SLC44A5: variants seen among roughly 807,000 people sequenced by gnomAD.
SLC44A5 encodes the protein solute carrier family 44 member 5.
Under a neutral mutation model 101.8 loss-of-function variants are expected in SLC44A5, and 57 were observed. The observed-to-expected ratio is 0.56, with a 90% CI of 0.45 to 0.70. The LOEUF (loss-of-function observed/expected upper bound fraction) is 0.70, where lower values mean the gene tolerates loss of function less well. Ranked by LOEUF, SLC44A5 falls within the 30% of genes least tolerant of loss-of-function variation. The pLI is 0.00. For missense variants in SLC44A5, 737 were observed against 853.1 expected, an observed-to-expected ratio of 0.86 and a Z score of 1.70; for synonymous variants, 281 against 290.9, an observed-to-expected ratio of 0.97 and a Z score of 0.35.
rs181464370 is a variant in SLC44A5 at position 75,519,507 on chromosome 1, A to G, written c.13+21928T>C. Among the ~76,000 whole-genome samples, 852 of 152,230 alleles carry G rather than the reference A, an allele frequency of 5.6e-3. 3 individuals carry two copies. The highest frequency in any genetic ancestry group is 0.02 in the African/African-American group (816 of 41,530). ...CGGGAAGCAGAGGTTGCAGTGAGCCAAGATCACACCCCTGCACTCCAGCCT... is the reference window on the plus strand; with the variant it reads ...CGGGAAGCAGAGGTTGCAGTGAGCCGAGATCACACCCCTGCACTCCAGCCT... On this transcript the variant is annotated intron_variant, in intron 2 of 23. Coordinates refer to ENST00000370859, the MANE Select transcript of SLC44A5 (RefSeq NM_001130058.2).
chr1:75,715,543 G>A, the SLC44A5 span, among the ~76,000 whole-genome samples: 23 of 152,256 alleles, frequency 1.5e-4, no homozygotes, highest in Middle Eastern at 3.4e-3. Context: ...CAAGCGATGC[G>A]GATAAGACTC....
chr1:75,222,374 T>G lies in SLC44A5; in HGVS notation c.1072A>C (p.Lys358Gln). 1 of 1,613,394 alleles carries G rather than the reference T, an allele frequency of 6.2e-7. No individual in the cohort carries two copies. The highest frequency in any genetic ancestry group is 8.5e-7 in the Non-Finnish European group (1 of 1,179,514). ...TAAGGGCCTTACTTGCTTCCTTCCT[T>G]CAGCAGGATAATGGCGACTCGGATT... ...NRIRVAIILL[K>Q]EGSKAIGYVP... Residue 358 changes from lysine to glutamine, a missense_variant, in exon 14 of 24, where the codon AAG becomes CAG. Physicochemically the swap from Lys to Gln is moderately conservative, Grantham distance 53. Around this residue, in one of 3 missense-constraint regions of SLC44A5, gnomAD observed 665 missense variants for 764.4 expected, o/e 0.87. Coordinates refer to ENST00000370859, the MANE Select transcript of SLC44A5 (RefSeq NM_001130058.2).
intron 2 of SLC44A5, among the ~76,000 whole-genome samples, chr1:75,417,073 G>C (rs1663699510): frequency 6.6e-6 from 1 of 152,066 alleles, no homozygotes; most frequent in African/African-American, 2.4e-5. Context: ...ACGAGATTTG[G>C]GAAGGGCCAA....
intron 1 of SLC44A5, among the ~76,000 whole-genome samples, chr1:75,559,780 G>C (rs114933171): frequency 4.6e-5 from 7 of 152,180 alleles, no homozygotes; most frequent in Non-Finnish European, 8.8e-5. Context: ...ATACTTGCAA[G>C]TCATATATCT....
At chr1:75,565,842 T>G (rs1672757848) in intron 1 of SLC44A5, among the ~76,000 whole-genome samples, 1 of 152,210 alleles carries the variant, frequency 6.6e-6, no homozygotes, top group Non-Finnish European at 1.5e-5. Flanking sequence ...TACAAAATGC[T>G]TTTTTACCTG....
chr1:75,567,355 ACTGT>A (rs1008873248), intron 1 of SLC44A5, among the ~76,000 whole-genome samples: 2 of 152,184 alleles, frequency 1.3e-5, no homozygotes, highest in African/African-American at 4.8e-5. Flanking sequence ...GCTAAGCAGA[ACTGT>A]CTGACAGTAG....
chr1:75,408,583 T>C (rs12754553), intron 2 of SLC44A5, among the ~76,000 whole-genome samples: 1 of 151,964 alleles, frequency 6.6e-6, no homozygotes, highest in Non-Finnish European at 1.5e-5. Flanking sequence ...CTGGAAACCA[T>C]CATTCTCAGC....
At chr1:75,539,530 T>G (rs1475910601) in intron 2 of SLC44A5, among the ~76,000 whole-genome samples, 2 of 152,174 alleles carry the variant, frequency 1.3e-5, no homozygotes, top group East Asian at 1.9e-4. Flanking sequence ...TTATTTTCTA[T>G]GCCTTTTATT....
At chr1:75,364,424 G>A (rs1249040773) in intron 3 of SLC44A5, among the ~76,000 whole-genome samples, 1 of 152,058 alleles carries the variant, frequency 6.6e-6, no homozygotes, top group Non-Finnish European at 1.5e-5. Flanking sequence ...TAAATGACAA[G>A]ATCTCATGAG....
chr1:75,647,344 C>T, the SLC44A5 span, among the ~76,000 whole-genome samples: 3 of 152,220 alleles, frequency 2.0e-5, no homozygotes, highest in African/African-American at 7.2e-5. Flanking sequence ...GCCTGGATGT[C>T]CAGGCAGAAG....
intron 2 of SLC44A5, among the ~76,000 whole-genome samples, chr1:75,493,569 CA>C (rs1668528190): frequency 6.6e-6 from 1 of 152,048 alleles, no homozygotes; most frequent in Non-Finnish European, 1.5e-5. Context: ...TTATCAGCCA[CA>C]GTAGAGACTG....
chr1:75,449,698 T>C (rs1570313701), intron 2 of SLC44A5, among the ~76,000 whole-genome samples: 1 of 152,132 alleles, frequency 6.6e-6, no homozygotes, highest in East Asian at 1.9e-4. Context: ...GATAAGAGGC[T>C]TTTAGTGTGC....
chr1:75,242,141 AAAATTT>A, intron 8 of SLC44A5, 80 bp from the exon 9 acceptor site: 1 of 1,050,498 alleles, frequency 9.5e-7, no homozygotes, highest in South Asian at 1.5e-5. Context: ...TGTCCTTTAA[AAAATTT>A]AACTCCATAA....
intron 6 of SLC44A5, among the ~76,000 whole-genome samples, chr1:75,268,554 T>C (rs1455005414): frequency 6.6e-6 from 1 of 152,194 alleles, no homozygotes; most frequent in Non-Finnish European, 1.5e-5. Context: ...GTCTGGGATA[T>C]AATAGGGGCT....
intron 2 of SLC44A5, among the ~76,000 whole-genome samples, chr1:75,531,025 T>G (rs577037052): frequency 6.6e-6 from 1 of 152,346 alleles, no homozygotes; most frequent in East Asian, 1.9e-4. Context: ...TCTAGAACTC[T>G]AATAACCACA....
At chr1:75,306,921 G>A (rs1654957033) in intron 4 of SLC44A5, among the ~76,000 whole-genome samples, 3 of 151,506 alleles carry the variant, frequency 2.0e-5, no homozygotes, top group Admixed American at 6.6e-5. Context: ...TATTTTTTTA[G>A]TAGAGACGGG....
chr1:75,398,429 T>C (rs1662265919), intron 2 of SLC44A5: 1 of 984,350 alleles, frequency 1.0e-6, no homozygotes, highest in Admixed American at 6.2e-5. Context: ...ACCCTGCCAA[T>C]GAGAGGAGAA....
chr1:75,564,847 C>T (rs1294897627), intron 1 of SLC44A5, among the ~76,000 whole-genome samples: 4 of 152,146 alleles, frequency 2.6e-5, no homozygotes, highest in Non-Finnish European at 5.9e-5. Context: ...TGGTCTCGAT[C>T]TCCTGACCTC....
In SLC44A5 at chr1:75,597,047, A is replaced by G. The variant is rs147803991; in HGVS notation, c.-70+13993T>C. Among the ~76,000 whole-genome samples the G allele has an allele frequency of 4.2e-3, 635 of 152,030 alleles. 3 individuals carry two copies. The highest frequency in any genetic ancestry group is 7.2e-3 in the Non-Finnish European group (489 of 67,934). ...TGAAAAACATACAAAAATTAGCTGGACATGGTGGCGCTTGCCTGTAGTCCC... is the reference window on the plus strand; with the variant it reads ...TGAAAAACATACAAAAATTAGCTGGGCATGGTGGCGCTTGCCTGTAGTCCC... On this transcript the variant is annotated intron_variant, in intron 1 of 23. Transcript: ENST00000370859.
Sources: gnomAD v4.1 joint callset for allele counts (sites outside exome capture counted in the v4.1 genomes callset) on GRCh38, gnomAD v4.1.1 for gene constraint, gnomAD v4.1.1 regional missense constraint, MANE v1.5 for transcripts, NCBI Gene and HGNC (gene_info 2026-07-23, HGNC 2026-07-21) for gene names.